The following ABCC8 variants were observed in gnomAD, a reference collection of about 807,000 sequenced individuals.
ABCC8 encodes ATP-binding cassette sub-family C member 8.
ABCC8 carries 137 observed loss-of-function variants against 188.0 expected under a neutral mutation model. The ratio of observed to expected loss-of-function variants is 0.73; its 90% CI spans 0.63 to 0.84. ABCC8 has a LOEUF of 0.84. Among genes scored for constraint, ABCC8 ranks in the 40% least tolerant of loss-of-function variants. ABCC8 has a pLI of 0.00. For synonymous variants in ABCC8, 797 were observed against 846.5 expected (o/e 0.94, Z 1.01); for missense variants, 1,750 against 2,072.7 (o/e 0.84, Z 3.02).
rs939628772 is a variant in ABCC8, at chr11:17,460,477, G to A, written c.1011+11C>T. The A allele has an allele frequency of 1.2e-6, 2 of 1,614,050 alleles. No individual in the cohort carries two copies. The highest frequency in any genetic ancestry group is 3.3e-5 in the Admixed American group (2 of 60,030). The stretch of plus-strand genomic sequence containing the variant: ...TAGAGGGTGCCTTACCCTACCCCTG[G>A]GGCTGCCTACCTTGGGCTGGAAGAC... On this transcript the variant is annotated intron_variant, in intron 6 of 38. Transcript: ENST00000389817.
intron 33 of ABCC8, 106 bp downstream of exon 33, chr11:17,396,810 C>T (rs377038800): frequency 2.2e-5 from 31 of 1,419,568 alleles, no homozygotes; most frequent in East Asian, 4.8e-5. Context: ...TGAGAGGCCT[C>T]GGCCCTGGAG....
intron 3 of ABCC8, among the ~76,000 whole-genome samples, chr11:17,466,909 A>G (rs1229523735): frequency 6.6e-6 from 1 of 152,018 alleles, no homozygotes; most frequent in African/African-American, 2.4e-5. Context: ...CAAGCAATTC[A>G]CCTGCCTTGG....
At chr11:17,416,554 C>T (rs895954779) in intron 17 of ABCC8, among the ~76,000 whole-genome samples, 23 of 152,200 alleles carry the variant, frequency 1.5e-4, no homozygotes, top group Admixed American at 1.5e-3. Flanking sequence ...TATCTAATTC[C>T]AAAACATTTT....
Position 17,430,848 on chromosome 11 carries a change from T to C in ABCC8, c.1783A>G (p.Ser595Gly). The C allele has an allele frequency of 6.2e-7, 1 of 1,614,082 alleles. No individual in the cohort carries two copies. The highest frequency in any genetic ancestry group is 8.5e-7 in the Non-Finnish European group (1 of 1,180,002). The change falls in exon 12 of 39, where the codon AGT (serine) becomes GGT (glycine). Residue 595 changes from serine to glycine, a missense_variant. Ser to Gly is a moderately conservative substitution (Grantham distance 56, BLOSUM62 0). Coordinates refer to ENST00000389817, the MANE Select transcript of ABCC8 (RefSeq NM_000352.6). The part of the protein sequence containing the change: ...ILVTPLFLLS[S>G]VVRSTVKALV... Reference sequence around the variant, plus strand: ...GCTTTGACGGTAGATCGGACCACACTGGACAGCAGGAACAGCGGTGTGACC... The same window carrying C: ...GCTTTGACGGTAGATCGGACCACACCGGACAGCAGGAACAGCGGTGTGACC...
chr11:17,458,082 G>A (rs1346531103), intron 6 of ABCC8, among the ~76,000 whole-genome samples: 1 of 151,264 alleles, frequency 6.6e-6, no homozygotes, highest in African/African-American at 2.5e-5. Flanking sequence ...GCCCACATGA[G>A]AATTAAGCCA....
chr11:17,473,230 G>A (rs1451081493), intron 2 of ABCC8, among the ~76,000 whole-genome samples: 1 of 152,022 alleles, frequency 6.6e-6, no homozygotes, highest in African/African-American at 2.4e-5. Context: ...CCCATCTGAG[G>A]GCTCACTGTG....
At chr11:17,440,057 G>A (rs1052968092) in intron 10 of ABCC8, among the ~76,000 whole-genome samples, 3 of 152,136 alleles carry the variant, frequency 2.0e-5, no homozygotes, top group African/African-American at 7.2e-5. Flanking sequence ...TATCTCTTAG[G>A]AGCAGTCAAA....
intron 20 of ABCC8, 30 bp from the exon 21 acceptor site, chr11:17,412,776 C>T: frequency 7.5e-6 from 12 of 1,591,426 alleles, no homozygotes; most frequent in Non-Finnish European, 9.4e-6. Flanking sequence ...ACACATCATG[C>T]CCTCAGCCAT....
intron 16 of ABCC8, among the ~76,000 whole-genome samples, chr11:17,426,444 T>C (rs1053199403): frequency 6.6e-6 from 1 of 152,246 alleles, no homozygotes; most frequent in Non-Finnish European, 1.5e-5. Flanking sequence ...TCAACTAGTT[T>C]CAAGTGCTTC....
rs950691063 is a variant in ABCC8 at position 17,443,189 on chromosome 11, G to A, written c.1456C>T (p.Arg486Trp). 1.2e-6 allele frequency: 2 copies of A among 1,614,166 alleles called. No individual in the cohort carries two copies. The highest frequency in any genetic ancestry group is 1.1e-5 in the South Asian group (1 of 91,072). Residue 486 changes from arginine to tryptophan, a missense_variant, in exon 9 of 39, where the codon CGG becomes TGG. Coordinates refer to ENST00000389817, the MANE Select transcript of ABCC8 (RefSeq NM_000352.6). ...CTTTGGGCACTCACCAGTGTGCTCC[G>A]CTGGGCCTGAGACAGCTTGGTGGCC... ...FVATKLSQAQ[R>W]STLEYSNERL...
At chr11:17,445,093 A>C (rs1956472195) in intron 8 of ABCC8, among the ~76,000 whole-genome samples, 1 of 152,220 alleles carries the variant, frequency 6.6e-6, no homozygotes, top group African/African-American at 2.4e-5. Flanking sequence ...TGCGTGGCCC[A>C]GGGTAAGGCA....
Position 17,448,479 on chromosome 11 carries a change from T to G in ABCC8, c.1332+37A>C, listed in dbSNP as rs2301705. On this transcript the variant is annotated intron_variant, in intron 8 of 38. Transcript: ENST00000389817. Reference sequence around the variant, plus strand: ...ACCAGCAGATTCTGGTTGTGTGTCCTGCTGCCCCCCTCCCTTCCCCTCAGC... The same window carrying G: ...ACCAGCAGATTCTGGTTGTGTGTCCGGCTGCCCCCCTCCCTTCCCCTCAGC... 1.4e-5 allele frequency: 23 copies of G among 1,592,030 alleles called. No homozygotes were observed. In the East Asian group the frequency reaches 5.1e-4, roughly 36 times the overall value.
intron 27 of ABCC8, among the ~76,000 whole-genome samples, chr11:17,405,164 A>G (rs1319007103): frequency 6.6e-6 from 1 of 152,228 alleles, no homozygotes; most frequent in Non-Finnish European, 1.5e-5. Context: ...CATCTGGTAC[A>G]ATGGTAAATA....
At chr11:17,432,487 T>C in intron 10 of ABCC8, 1 of 757,908 alleles carries the variant, frequency 1.3e-6, no homozygotes, top group Non-Finnish European at 2.0e-6. Context: ...AGTCACTCCG[T>C]GTGGACAGGG....
chr11:17,406,916 GGGGTCA>G lies in ABCC8; in HGVS notation c.3128_3133del (p.Leu1043_Thr1044del). On this transcript the variant is annotated inframe_deletion, in exon 25 of 39. Coordinates refer to ENST00000389817, the MANE Select transcript of ABCC8 (RefSeq NM_000352.6). ...GCTGAGGGAGCAGTTCCTGGCTGCA[GGGGTCA>G]GGGTCAGGGCGCTGTCGGTCCACTT... The G allele has an allele frequency of 6.2e-7, 1 of 1,614,146 alleles. No homozygotes were observed. Among genetic ancestry groups the G allele is most frequent in the Non-Finnish European group, 8.5e-7 (1 of 1,180,036 alleles).
At chr11:17,416,794 GC>G in intron 17 of ABCC8, 135 bp downstream of exon 17, 1 of 1,350,872 alleles carries the variant, frequency 7.4e-7, no homozygotes, top group South Asian at 1.2e-5. Flanking sequence ...GCAGGCCTTA[GC>G]CCCATGTCTC....
chr11:17,436,207 G>T lies in ABCC8; in HGVS notation c.1631-3963C>A. On this transcript the variant is annotated intron_variant, in intron 10 of 38. Transcript: ENST00000389817. ...CTTGGGTTCTGGTCTGGATGGAAGT[G>T]ACCAGCTACTTGTGTTTTAAAGGTC... The T allele has an allele frequency of 4.5e-6, 3 of 666,714 alleles. No individual in the cohort carries two copies. The South Asian group carries it at 4.6e-5, about 10-fold the overall frequency. 41.3% of individuals were successfully genotyped at this position (666,714 alleles called of 1,614,324 possible). A position where few individuals can be genotyped will look rare whatever the true frequency, so the allele number is the denominator to read the frequency against.
chr11:17,434,615 C>T (rs1564933860), intron 10 of ABCC8, among the ~76,000 whole-genome samples: 3 of 152,170 alleles, frequency 2.0e-5, no homozygotes, highest in Non-Finnish European at 2.9e-5. Flanking sequence ...GGAGATTTTG[C>T]AGTCAGAAAA....
intron 19 of ABCC8, 64 bp from the exon 20 acceptor site, chr11:17,413,542 C>T: frequency 6.2e-7 from 1 of 1,612,238 alleles, no homozygotes; most frequent in African/African-American, 1.3e-5. Flanking sequence ...CGAGCACTTG[C>T]AGAGGGTCAT....
Sources: gnomAD v4.1 joint callset for allele counts (sites outside exome capture counted in the v4.1 genomes callset) on GRCh38, gnomAD v4.1.1 for gene constraint, MANE v1.5 for transcripts, NCBI Gene and HGNC (gene_info 2026-07-23, HGNC 2026-07-21) for gene names.